Variants in GFRA1 observed in about 807,000 individuals in gnomAD.
GFRA1 encodes GDNF family receptor alpha 1, also known as GDNF family receptor alpha-1.
GFRA1 carries 16 observed loss-of-function variants against 51.6 expected under a neutral mutation model. The ratio of observed to expected loss-of-function variants is 0.31; its 90% CI spans 0.21 to 0.47. The LOEUF (loss-of-function observed/expected upper bound fraction) is 0.47. GFRA1 is among the 20% of genes least tolerant of loss of function. The probability of loss-of-function intolerance (pLI) is 1.00; values close to 1 mark genes in which losing one functional copy is unlikely to be tolerated. For missense variants in GFRA1, 530 were observed against 594.3 expected (o/e 0.89, Z 1.13); for synonymous variants, 270 against 241.3 (o/e 1.12, Z -1.10).
At chr10:116,120,904 T>C (rs1957615581) in intron 6 of GFRA1, among the ~76,000 whole-genome samples, 1 of 152,208 alleles carries the variant, frequency 6.6e-6, no homozygotes, top group South Asian at 2.1e-4. Context: ...CGACCCCATG[T>C]GGCAGCAGCT....
intron 6 of GFRA1, among the ~76,000 whole-genome samples, chr10:116,118,114 C>T (rs1013977722): frequency 6.6e-6 from 1 of 152,194 alleles, no homozygotes; most frequent in African/African-American, 2.4e-5. Context: ...CCCTATATCC[C>T]AGCCCCTTCT....
At chr10:116,215,691 A>G (rs1456108149) in intron 4 of GFRA1, among the ~76,000 whole-genome samples, 1 of 152,174 alleles carries the variant, frequency 6.6e-6, no homozygotes, top group Non-Finnish European at 1.5e-5. Flanking sequence ...GCCAGTATGG[A>G]GTGGGGAATT....
At chr10:116,211,009 G>C (rs1301748499) in intron 5 of GFRA1, among the ~76,000 whole-genome samples, 1 of 152,146 alleles carries the variant, frequency 6.6e-6, no homozygotes, top group African/African-American at 2.4e-5. Context: ...CCTAAGTGGG[G>C]ACTAAAACAT....
At chr10:116,131,764 C>T (rs928604737) in intron 5 of GFRA1, among the ~76,000 whole-genome samples, 5 of 151,920 alleles carry the variant, frequency 3.3e-5, no homozygotes, top group Non-Finnish European at 7.4e-5. Flanking sequence ...TGAGGATTGG[C>T]TAGGAAGGAA....
intron 5 of GFRA1, among the ~76,000 whole-genome samples, chr10:116,142,996 C>T (rs1958635575): frequency 6.6e-6 from 1 of 152,172 alleles, no homozygotes; most frequent in Non-Finnish European, 1.5e-5. Context: ...AGGTCCACTT[C>T]CCACTCTGAC....
chr10:116,142,969 T>C (rs1177256663), intron 5 of GFRA1, among the ~76,000 whole-genome samples: 1 of 152,192 alleles, frequency 6.6e-6, no homozygotes, highest in Non-Finnish European at 1.5e-5. Context: ...AGCTGAAGAA[T>C]AGTTGCAGTA....
At chr10:116,268,878 T>C in intron 4 of GFRA1, among the ~76,000 whole-genome samples, 1 of 152,194 alleles carries the variant, frequency 6.6e-6, no homozygotes, top group African/African-American at 2.4e-5. Flanking sequence ...CACATAGAAC[T>C]GCAAAGAGAG....
At chr10:116,181,625 GT>G (rs34059876) in intron 5 of GFRA1, among the ~76,000 whole-genome samples, 42 of 150,700 alleles carry the variant, frequency 2.8e-4, no homozygotes, top group African/African-American at 7.1e-4. Context: ...AAAATATGAG[GT>G]TTTTTTTTGT....
At chr10:116,218,311 C>G (rs1965699303) in intron 4 of GFRA1, among the ~76,000 whole-genome samples, 1 of 152,172 alleles carries the variant, frequency 6.6e-6, no homozygotes, top group South Asian at 2.1e-4. Flanking sequence ...GCCACACTCC[C>G]TGGTAGGTAA....
chr10:116,068,727 T>G (rs2133782738), intron 9 of GFRA1, among the ~76,000 whole-genome samples: 1 of 152,318 alleles, frequency 6.6e-6, no homozygotes, highest in Non-Finnish European at 1.5e-5. Context: ...ATTTCCACAT[T>G]TTAAAGGCTT....
chr10:116,104,532 C>T (rs562155462), intron 6 of GFRA1, among the ~76,000 whole-genome samples: 1 of 152,186 alleles, frequency 6.6e-6, no homozygotes, highest in Non-Finnish European at 1.5e-5. Flanking sequence ...CAGATGGAAT[C>T]CCCCATTATT....
At chr10:116,235,210 T>A in intron 4 of GFRA1, among the ~76,000 whole-genome samples, 1 of 152,158 alleles carries the variant, frequency 6.6e-6, no homozygotes, top group East Asian at 1.9e-4. Flanking sequence ...TGAAGCTAGT[T>A]TGCCAAGGCC....
At chr10:116,231,413 A>G (rs886795791) in intron 4 of GFRA1, among the ~76,000 whole-genome samples, 1 of 152,198 alleles carries the variant, frequency 6.6e-6, no homozygotes, top group African/African-American at 2.4e-5. Flanking sequence ...TTATAATTAA[A>G]AGTCATAAAT....
intron 5 of GFRA1, among the ~76,000 whole-genome samples, chr10:116,173,620 C>A (rs542685701): frequency 2.0e-5 from 3 of 152,256 alleles, no homozygotes; most frequent in African/African-American, 7.2e-5. Context: ...ACTATAACTC[C>A]CAAGGGATTC....
intron 5 of GFRA1, among the ~76,000 whole-genome samples, chr10:116,137,656 A>C (rs1045471092): frequency 1.3e-5 from 2 of 152,230 alleles, no homozygotes; most frequent in African/African-American, 2.4e-5. Context: ...GGTTCTTAAA[A>C]GACAGTAGCC....
chr10:116,165,813 TA>T (rs2134199392), intron 5 of GFRA1, among the ~76,000 whole-genome samples: 2 of 152,316 alleles, frequency 1.3e-5, no homozygotes, highest in East Asian at 3.9e-4. Flanking sequence ...TTTTTACTTT[TA>T]AGTTCAAGGG....
At chr10:116,186,902 G>C (rs752858948) in intron 5 of GFRA1, among the ~76,000 whole-genome samples, 2 of 152,038 alleles carry the variant, frequency 1.3e-5, no homozygotes, top group Non-Finnish European at 2.9e-5. Flanking sequence ...TTGCACCTCA[G>C]CTCAAGCTAG....
At chr10:116,088,010 C>T (rs1041540709) in intron 9 of GFRA1, among the ~76,000 whole-genome samples, 2 of 152,074 alleles carry the variant, frequency 1.3e-5, no homozygotes, top group Admixed American at 6.5e-5. Context: ...ATCTGTTTGA[C>T]CTTGGGCTGT....
At position 116,063,851 on chromosome 10, in the gene GFRA1, T is replaced by C. The variant is rs944479638; in HGVS notation, c.*547A>G. ...GCTAGTACATATATAAAGGTGAACATCAGTACCAGCTGTTTCCACAAAGCC... is the reference window on the plus strand; with the variant it reads ...GCTAGTACATATATAAAGGTGAACACCAGTACCAGCTGTTTCCACAAAGCC... On this transcript the variant is annotated 3_prime_UTR_variant, in exon 11 of 11. Transcript: ENST00000355422. The C allele has an allele frequency of 6.0e-6, 1 of 166,444 alleles. No individual in the cohort carries two copies. Among genetic ancestry groups the C allele is most frequent in the African/African-American group, 2.4e-5 (1 of 41,580 alleles). 10.3% of individuals were successfully genotyped at this position (166,444 alleles called of 1,614,324 possible). A position where few individuals can be genotyped will look rare whatever the true frequency, so the allele number is the denominator to read the frequency against.
Sources: gnomAD v4.1 joint callset for allele counts (sites outside exome capture counted in the v4.1 genomes callset) on GRCh38, gnomAD v4.1.1 for gene constraint, MANE v1.5 for transcripts, NCBI Gene and HGNC (gene_info 2026-07-23, HGNC 2026-07-21) for gene names.